Variants in MNAT1 observed in about 807,000 individuals in gnomAD.
MNAT1 encodes the protein MNAT1 component of CDK activating kinase.
A neutral mutation model predicts 42.0 loss-of-function variants in MNAT1; 43 were observed. The ratio of observed to expected loss-of-function variants is 1.02; its 90% CI spans 0.80 to 1.32. The LOEUF is 1.32. MNAT1 is among the 40% of genes most tolerant of loss of function. The pLI, the probability that MNAT1 is intolerant of heterozygous loss-of-function variation, is 0.00. For synonymous variants in MNAT1, 118 were observed against 120.0 expected, an observed-to-expected ratio of 0.98 and a Z score of 0.11; for missense variants, 306 against 350.4, an observed-to-expected ratio of 0.87 and a Z score of 1.01.
chr14:60,878,357 A>G (rs1306509975), intron 6 of MNAT1, among the ~76,000 whole-genome samples: 1 of 152,112 alleles, frequency 6.6e-6, no homozygotes, highest in Non-Finnish European at 1.5e-5. Flanking sequence ...TTACTGAAGA[A>G]AAATGGGTTC....
chr14:60,846,306 C>CT (rs540709678), intron 6 of MNAT1, among the ~76,000 whole-genome samples: 33 of 151,776 alleles, frequency 2.2e-4, no homozygotes, highest in Non-Finnish European at 4.0e-4. Flanking sequence ...TGTTCCTTCT[C>CT]TTTTTTTTCC....
chr14:60,814,407 T>C (rs889530399), intron 5 of MNAT1, among the ~76,000 whole-genome samples: 3 of 152,118 alleles, frequency 2.0e-5, no homozygotes, highest in Non-Finnish European at 4.4e-5. Context: ...AATCTTCCTC[T>C]CCAGGAAAGT....
intron 7 of MNAT1, among the ~76,000 whole-genome samples, chr14:60,963,587 C>G (rs2036633905): frequency 6.6e-6 from 1 of 152,050 alleles, no homozygotes; most frequent in African/African-American, 2.4e-5. Flanking sequence ...AGCTGTGGGT[C>G]TTGATAGCTG....
At chr14:60,873,363 A>G (rs894512074) in intron 6 of MNAT1, among the ~76,000 whole-genome samples, 2 of 152,160 alleles carry the variant, frequency 1.3e-5, no homozygotes, top group African/African-American at 4.8e-5. Flanking sequence ...TACCCATTTT[A>G]TACCCATTTT....
intron 7 of MNAT1, among the ~76,000 whole-genome samples, chr14:60,933,825 A>G (rs1326955376): frequency 6.6e-6 from 1 of 152,180 alleles, no homozygotes; most frequent in Non-Finnish European, 1.5e-5. Context: ...TTTCACTTAA[A>G]TGAATTCCCC....
chr14:60,865,588 C>T (rs1310440606), intron 6 of MNAT1, among the ~76,000 whole-genome samples: 2 of 151,906 alleles, frequency 1.3e-5, no homozygotes, highest in African/African-American at 4.8e-5. Flanking sequence ...ACACTATGTC[C>T]TCTTGGCAAC....
At chr14:60,793,252 G>A (rs2031888130) in intron 1 of MNAT1, among the ~76,000 whole-genome samples, 1 of 151,990 alleles carries the variant, frequency 6.6e-6, no homozygotes, top group African/African-American at 2.4e-5. Context: ...ATGTTGCCCA[G>A]GCCAGTCTCA....
chr14:60,830,729 A>G (rs2033189005), intron 6 of MNAT1, among the ~76,000 whole-genome samples: 1 of 149,862 alleles, frequency 6.7e-6, no homozygotes. Context: ...TCTTTGGTTG[A>G]TCATTTTGTT....
intron 1 of MNAT1, among the ~76,000 whole-genome samples, chr14:60,757,093 T>C (rs1191871745): frequency 6.6e-6 from 1 of 152,182 alleles, no homozygotes; most frequent in Non-Finnish European, 1.5e-5. Flanking sequence ...AGAAATCATA[T>C]GCAACTTTCT....
At chr14:60,835,699 T>C (rs2033371451) in intron 6 of MNAT1, among the ~76,000 whole-genome samples, 1 of 152,156 alleles carries the variant, frequency 6.6e-6, no homozygotes, top group South Asian at 2.1e-4. Flanking sequence ...GTGAATCTGA[T>C]GATTATGTGT....
intron 7 of MNAT1, among the ~76,000 whole-genome samples, chr14:60,896,733 G>C (rs968279051): frequency 1.3e-5 from 2 of 151,988 alleles, no homozygotes; most frequent in Non-Finnish European, 2.9e-5. Flanking sequence ...TGATCCACAC[G>C]CCTCAGCCTC....
chr14:60,835,977 A>G (rs1002842243), intron 6 of MNAT1, among the ~76,000 whole-genome samples: 3 of 152,002 alleles, frequency 2.0e-5, no homozygotes, highest in Non-Finnish European at 2.9e-5. Flanking sequence ...ACTTTGTTTC[A>G]TTAAATTGAT....
chr14:60,837,323 G>C (rs1222196562), intron 6 of MNAT1, among the ~76,000 whole-genome samples: 2 of 152,176 alleles, frequency 1.3e-5, no homozygotes, highest in Non-Finnish European at 1.5e-5. Context: ...GCCCAGTTTT[G>C]TGCTTGAAAC....
chr14:60,936,580 A>G (rs1267511641), intron 7 of MNAT1, among the ~76,000 whole-genome samples: 1 of 152,042 alleles, frequency 6.6e-6, no homozygotes, highest in African/African-American at 2.4e-5. Flanking sequence ...GCTGCATAGT[A>G]TTCCATGGTG....
chr14:60,780,992 A>T (rs973322602), intron 1 of MNAT1, among the ~76,000 whole-genome samples: 2 of 152,226 alleles, frequency 1.3e-5, no homozygotes, highest in Non-Finnish European at 2.9e-5. Context: ...ACAGCAAAGG[A>T]AGTCTAAATA....
chr14:60,741,500 C>G (rs1566747041), intron 1 of MNAT1, among the ~76,000 whole-genome samples: 1 of 151,942 alleles, frequency 6.6e-6, no homozygotes, highest in Admixed American at 6.5e-5. Context: ...GCTGGGATTA[C>G]AGGCACGGGC....
At chr14:60,785,351 G>C (rs2031614250) in intron 1 of MNAT1, among the ~76,000 whole-genome samples, 1 of 151,984 alleles carries the variant, frequency 6.6e-6, no homozygotes, top group Non-Finnish European at 1.5e-5. Context: ...ATATAACTTA[G>C]GTTTTGAAAC....
At chr14:60,888,526 G>A (rs1453986056) in intron 7 of MNAT1, among the ~76,000 whole-genome samples, 1 of 151,894 alleles carries the variant, frequency 6.6e-6, no homozygotes, top group African/African-American at 2.4e-5. Context: ...CATTCCCTTT[G>A]AAAACTGGCA....
intron 7 of MNAT1, among the ~76,000 whole-genome samples, chr14:60,901,225 A>G (rs2035066586): frequency 6.6e-6 from 1 of 152,140 alleles, no homozygotes; most frequent in Non-Finnish European, 1.5e-5. Flanking sequence ...AGCCAGGATG[A>G]CAGTGTGTCT....
Sources: gnomAD v4.1 joint callset for allele counts (sites outside exome capture counted in the v4.1 genomes callset) on GRCh38, gnomAD v4.1.1 for gene constraint, MANE v1.5 for transcripts, NCBI Gene and HGNC (gene_info 2026-07-23, HGNC 2026-07-21) for gene names.